SGF29: variants seen among roughly 807,000 people sequenced by gnomAD.
SGF29 encodes the protein SAGA-associated factor 29.
SGF29 carries 15 observed loss-of-function variants against 38.1 expected under a neutral mutation model. The ratio of observed to expected loss-of-function variants is 0.39; its 90% CI spans 0.26 to 0.61. The LOEUF (loss-of-function observed/expected upper bound fraction) is 0.61, where lower values mean the gene tolerates loss of function less well. Ranked by LOEUF, SGF29 falls within the 20% of genes least tolerant of loss-of-function variation. The pLI is 0.49. For synonymous variants in SGF29, 151 were observed against 160.8 expected (o/e 0.94, Z 0.46); for missense variants, 184 against 394.6 (o/e 0.47, Z 4.52).
rs1416963597 is a variant in SGF29 at position 28,590,619 on chromosome 16, T to C, written c.567-12T>C. ...CTGGCTGCATCCAGCCTTTTCCTCC[T>C]TTTGTCTGCAGGTATGAGGTAGATG... is the stretch of plus-strand genomic sequence containing the variant. On this transcript the variant is annotated splice_polypyrimidine_tract_variant and intron_variant, in intron 7 of 9. Transcript: ENST00000317058. The surrounding 1 kb of genome is among the most constrained non-coding windows in gnomAD (Gnocchi z 8.2). 1.2e-6 allele frequency: 2 copies of C among 1,613,564 alleles called. No homozygotes were observed. The highest frequency in any genetic ancestry group is 4.5e-5 in the East Asian group (2 of 44,858).
At chr16:28,568,842 G>A (rs1024146200) in intron 1 of SGF29, among the ~76,000 whole-genome samples, 4 of 152,186 alleles carry the variant, frequency 2.6e-5, no homozygotes, top group Admixed American at 6.5e-5. Flanking sequence ...GAACCCGGGA[G>A]GCAGAGGTTG....
intron 1 of SGF29, among the ~76,000 whole-genome samples, chr16:28,555,869 T>A (rs965821699): frequency 2.0e-5 from 3 of 152,208 alleles, no homozygotes; most frequent in African/African-American, 7.2e-5. Context: ...ACTTTTGTGA[T>A]CTCTTTTACT....
chr16:28,564,556 T>TATATATAC (rs2046812594), intron 1 of SGF29, among the ~76,000 whole-genome samples: 1 of 131,776 alleles, frequency 7.6e-6, no homozygotes, highest in Non-Finnish European at 1.6e-5. Flanking sequence ...TATACGTATA[T>TATATATAC]ATATATATAC....
intron 1 of SGF29, among the ~76,000 whole-genome samples, chr16:28,564,735 ATGTATATATG>A (rs1567286079): frequency 5.1e-4 from 7 of 13,734 alleles, no homozygotes; most frequent in African/African-American, 1.6e-3. Flanking sequence ...ATACATATAT[ATGTATATATG>A]TATATATATG....
chr16:28,560,799 A>G (rs1311252377), intron 1 of SGF29, among the ~76,000 whole-genome samples: 1 of 151,810 alleles, frequency 6.6e-6, no homozygotes, highest in African/African-American at 2.4e-5. Flanking sequence ...GTCTCTGCTA[A>G]AAATACAAAA....
At chr16:28,564,552 TATATATATATATAC>T (rs2046812013) in intron 1 of SGF29, among the ~76,000 whole-genome samples, 5 of 33,970 alleles carry the variant, frequency 1.5e-4, no homozygotes, top group African/African-American at 4.8e-4. Context: ...TATATATACG[TATATATATATATAC>T]GTATATATAT....
intron 1 of SGF29, among the ~76,000 whole-genome samples, chr16:28,567,818 A>G (rs1003686181): frequency 1.3e-5 from 2 of 152,208 alleles, no homozygotes; most frequent in Admixed American, 1.3e-4. Context: ...AAAGTGGCAA[A>G]GAACTTGGCT....
intron 4 of SGF29, 128 bp downstream of exon 4, chr16:28,585,848 C>T: frequency 1.5e-5 from 13 of 846,972 alleles, no homozygotes; most frequent in South Asian, 8.8e-5. Context: ...CCCAGCCTCT[C>T]GCTTGGGTCC....
intron 1 of SGF29, among the ~76,000 whole-genome samples, chr16:28,578,500 A>C (rs1049631241): frequency 3.3e-5 from 5 of 151,980 alleles, no homozygotes; most frequent in Non-Finnish European, 5.9e-5. Context: ...CAGGTTGAGG[A>C]GGTTACCCTC....
At chr16:28,564,719 A>ATATATATG (rs2046822161) in intron 1 of SGF29, among the ~76,000 whole-genome samples, 4 of 86,464 alleles carry the variant, frequency 4.6e-5, no homozygotes, top group African/African-American at 1.5e-4. Flanking sequence ...ATATATATGT[A>ATATATATG]TATATATACA....
chr16:28,570,403 C>T (rs910536582), intron 1 of SGF29, among the ~76,000 whole-genome samples: 2 of 152,086 alleles, frequency 1.3e-5, no homozygotes, highest in African/African-American at 4.8e-5. Context: ...GAATGTCTGT[C>T]CTATGCCTGT....
At chr16:28,588,600 T>A in intron 4 of SGF29, 1 of 435,990 alleles carries the variant, frequency 2.3e-6, no homozygotes, top group Non-Finnish European at 4.5e-6. Flanking sequence ...GTTTCGTTCT[T>A]TTTGCCCAGG....
intron 1 of SGF29, among the ~76,000 whole-genome samples, chr16:28,569,405 A>T (rs1284598193): frequency 6.6e-6 from 1 of 152,222 alleles, no homozygotes; most frequent in Non-Finnish European, 1.5e-5. Context: ...TACGCCTGTA[A>T]TCCTAGCACT....
intron 1 of SGF29, 54 bp downstream of exon 1, chr16:28,554,151 G>C (rs1313865197): frequency 3.3e-5 from 5 of 152,350 alleles, no homozygotes; most frequent in African/African-American, 1.2e-4. Flanking sequence ...GGGAGCGAAG[G>C]GCTGAGTCCT....
chr16:28,572,133 C>T (rs1439209703), intron 1 of SGF29, among the ~76,000 whole-genome samples: 1 of 151,994 alleles, frequency 6.6e-6, no homozygotes, highest in Non-Finnish European at 1.5e-5. Flanking sequence ...CCCACCACCA[C>T]GCCCGGCTAA....
intron 1 of SGF29, among the ~76,000 whole-genome samples, chr16:28,564,697 G>GTATATATATGTA (rs2046820142): frequency 1.6e-4 from 12 of 75,110 alleles, no homozygotes; most frequent in East Asian, 5.1e-4. Context: ...GTATATATAT[G>GTATATATATGTA]TATATATATA....
chr16:28,579,677 T>A (rs931368441), intron 1 of SGF29, among the ~76,000 whole-genome samples: 2 of 148,068 alleles, frequency 1.4e-5, no homozygotes, highest in Admixed American at 6.7e-5. Flanking sequence ...ACGCCTGTAA[T>A]CCCAGCACTG....
At chr16:28,582,922 C>T (rs1308004989) in intron 2 of SGF29, among the ~76,000 whole-genome samples, 1 of 152,016 alleles carries the variant, frequency 6.6e-6, no homozygotes, top group Non-Finnish European at 1.5e-5. Flanking sequence ...GCGACAAGAG[C>T]GAAACTCCGT....
At chr16:28,588,934 C>G (rs1482756835) in intron 4 of SGF29, among the ~76,000 whole-genome samples, 166 bp from the exon 5 acceptor site, 7 of 152,170 alleles carry the variant, frequency 4.6e-5, no homozygotes. Flanking sequence ...AGAACAGGAA[C>G]CTGCACACAC....
Sources: gnomAD v4.1 joint callset for allele counts (sites outside exome capture counted in the v4.1 genomes callset) on GRCh38, gnomAD v4.1.1 for gene constraint, Gnocchi (gnomAD v3.1) non-coding constraint, MANE v1.5 for transcripts, NCBI Gene and HGNC (gene_info 2026-07-23, HGNC 2026-07-21) for gene names.